Variants in CDK14 observed in about 807,000 individuals in gnomAD.
CDK14 encodes cyclin-dependent kinase 14.
In CDK14, 34 loss-of-function variants were observed where a neutral mutation model predicts 60.7. The observed-to-expected ratio is 0.56, with a 90% confidence interval of 0.43 to 0.75. The LOEUF (loss-of-function observed/expected upper bound fraction) is 0.75. Ranked by LOEUF, CDK14 falls within the 30% of genes least tolerant of loss-of-function variation. The pLI is 0.00. For missense variants in CDK14, 482 were observed against 564.1 expected (o/e 0.85, Z 1.47); for synonymous variants, 197 against 203.7 (o/e 0.97, Z 0.28).
intron 4 of CDK14, among the ~76,000 whole-genome samples, chr7:90,775,621 T>TCCCCCC (rs1562763780): frequency 1.3e-5 from 1 of 79,138 alleles, no homozygotes; most frequent in Admixed American, 1.5e-4. Context: ...AAATACCTCC[T>TCCCCCC]CCTCCCCCTC....
At chr7:91,024,238 T>C (rs1796511598) in intron 10 of CDK14, among the ~76,000 whole-genome samples, 1 of 152,198 alleles carries the variant, frequency 6.6e-6, no homozygotes, top group Admixed American at 6.5e-5. Context: ...TATTTAATCT[T>C]TTTACCAAGA....
At chr7:90,845,417 A>G (rs1437638714) in intron 5 of CDK14, among the ~76,000 whole-genome samples, 2 of 151,946 alleles carry the variant, frequency 1.3e-5, no homozygotes, top group Non-Finnish European at 2.9e-5. Context: ...TTATATAGAA[A>G]TATTCTGGGG....
chr7:90,988,540 C>T (rs918174256), intron 10 of CDK14, among the ~76,000 whole-genome samples: 1 of 152,072 alleles, frequency 6.6e-6, no homozygotes, highest in African/African-American at 2.4e-5. Context: ...TGCATTCATC[C>T]AGGTGAATAT....
intron 14 of CDK14, among the ~76,000 whole-genome samples, chr7:91,137,068 A>G (rs1584112109): frequency 2.6e-5 from 4 of 151,536 alleles, no homozygotes; most frequent in Admixed American, 2.6e-4. Flanking sequence ...GTTGGAAGCT[A>G]AGACATTGAC....
rs1295157414 is a variant in CDK14 at position 91,168,383 on chromosome 7, T to C, written c.*29-38782T>C. Among the ~76,000 whole-genome samples the C allele has an allele frequency of 2.0e-5, 3 of 152,218 alleles. No individual in the cohort carries two copies. In the East Asian group the frequency reaches 5.8e-4, roughly 29 times the overall value. ...TAGGAAACATTTTGTTAGTATTAGTTATCATTAACATAAATTCAGGTATAT... is the reference window on the plus strand; with the variant it reads ...TAGGAAACATTTTGTTAGTATTAGTCATCATTAACATAAATTCAGGTATAT... On this transcript the variant is annotated intron_variant, in intron 14 of 14. Transcript: ENST00000380050.
intron 10 of CDK14, among the ~76,000 whole-genome samples, chr7:90,994,706 C>G (rs760092856): frequency 6.6e-5 from 10 of 152,196 alleles, no homozygotes; most frequent in Non-Finnish European, 1.3e-4. Context: ...CATGAATTGT[C>G]AAGAGTGTTA....
chr7:90,906,760 G>C (rs1051613546), intron 7 of CDK14, among the ~76,000 whole-genome samples: 2 of 151,642 alleles, frequency 1.3e-5, no homozygotes, highest in Non-Finnish European at 2.9e-5. Flanking sequence ...AGAATGAAGG[G>C]GAGAAAAAAA....
intron 8 of CDK14, among the ~76,000 whole-genome samples, chr7:90,940,695 A>G (rs1270678804): frequency 2.0e-5 from 3 of 152,166 alleles, no homozygotes; most frequent in Non-Finnish European, 2.9e-5. Context: ...CTGAGGTGGG[A>G]AGGTCGCTTG....
intron 6 of CDK14, among the ~76,000 whole-genome samples, chr7:90,877,197 A>T (rs930998839): frequency 6.6e-6 from 1 of 152,222 alleles, no homozygotes; most frequent in Admixed American, 6.5e-5. Context: ...TTCTGATTTT[A>T]AAATTTAATT....
intron 1 of CDK14, among the ~76,000 whole-genome samples, chr7:90,599,363 G>GTGTA (rs1364308089): frequency 6.6e-6 from 1 of 152,226 alleles, no homozygotes; most frequent in African/African-American, 2.4e-5. Context: ...TGACTTTGTA[G>GTGTA]TGTAGCCAGC....
intron 9 of CDK14, among the ~76,000 whole-genome samples, chr7:90,974,528 G>A (rs926908937): frequency 7.2e-5 from 11 of 152,110 alleles, no homozygotes; most frequent in Admixed American, 1.3e-4. Flanking sequence ...CTGACTTCCC[G>A]AAACAAACTT....
At chr7:90,634,915 G>A (rs1800100459) in intron 2 of CDK14, among the ~76,000 whole-genome samples, 1 of 152,082 alleles carries the variant, frequency 6.6e-6, no homozygotes, top group Non-Finnish European at 1.5e-5. Context: ...GTGTCTTTTG[G>A]CTGCATAAAT....
chr7:90,986,363 A>G (rs1321510038), intron 10 of CDK14, among the ~76,000 whole-genome samples: 7 of 152,066 alleles, frequency 4.6e-5, no homozygotes, highest in Non-Finnish European at 1.0e-4. Flanking sequence ...TTTAATTTTT[A>G]TAGATGTAGA....
At chr7:90,793,754 C>T (rs1229009438) in intron 5 of CDK14, among the ~76,000 whole-genome samples, 1 of 152,146 alleles carries the variant, frequency 6.6e-6, no homozygotes, top group African/African-American at 2.4e-5. Context: ...TGGCTTGGGG[C>T]CTGCTGTCTG....
At chr7:91,034,200 C>G (rs1383694062) in intron 10 of CDK14, among the ~76,000 whole-genome samples, 2 of 152,120 alleles carry the variant, frequency 1.3e-5, no homozygotes, top group East Asian at 3.9e-4. Context: ...AGTGCTGCAG[C>G]CTCTGAGAGA....
intron 2 of CDK14, among the ~76,000 whole-genome samples, chr7:90,687,775 G>C (rs1047105713): frequency 6.6e-6 from 1 of 152,038 alleles, no homozygotes; most frequent in Non-Finnish European, 1.5e-5. Flanking sequence ...TATTTTGAAA[G>C]ACATTTGAAA....
chr7:91,111,017 C>T (rs1799455014), intron 12 of CDK14, among the ~76,000 whole-genome samples: 6 of 152,146 alleles, frequency 3.9e-5, no homozygotes, highest in Admixed American at 3.3e-4. Context: ...AGAATGCTTT[C>T]GTTCCCTGTG....
intron 12 of CDK14, among the ~76,000 whole-genome samples, chr7:91,104,060 A>G (rs890649880): frequency 1.3e-5 from 2 of 152,186 alleles, no homozygotes; most frequent in Non-Finnish European, 2.9e-5. Context: ...TATAATTTTA[A>G]AATTCCTTAG....
At chr7:91,181,161 CAAT>C (rs1270512670) in intron 14 of CDK14, among the ~76,000 whole-genome samples, 1 of 152,186 alleles carries the variant, frequency 6.6e-6, no homozygotes, top group African/African-American at 2.4e-5. Flanking sequence ...GTTCTGTCAA[CAAT>C]GTTTTTAAAT....
Sources: gnomAD v4.1 joint callset for allele counts (sites outside exome capture counted in the v4.1 genomes callset) on GRCh38, gnomAD v4.1.1 for gene constraint, MANE v1.5 for transcripts, NCBI Gene and HGNC (gene_info 2026-07-23, HGNC 2026-07-21) for gene names.